EPHA6: variants seen among roughly 807,000 people sequenced by gnomAD.
The protein encoded by EPHA6 is ephrin type-A receptor 6.
A neutral mutation model predicts 112.0 loss-of-function variants in EPHA6; 50 were observed. The ratio of observed to expected loss-of-function variants is 0.45; its 90% CI spans 0.36 to 0.56. EPHA6 has a LOEUF of 0.56. Ranked by LOEUF, EPHA6 falls within the 20% of genes least tolerant of loss-of-function variation. The pLI is 0.00. For missense variants in EPHA6, 1,280 were observed against 1,417.4 expected, an observed-to-expected ratio of 0.90 and a Z score of 1.56; for synonymous variants, 529 against 490.7, an observed-to-expected ratio of 1.08 and a Z score of -1.03.
intron 10 of EPHA6, among the ~76,000 whole-genome samples, chr3:97,521,091 T>A (rs1389314339): frequency 6.6e-6 from 1 of 152,044 alleles, no homozygotes; most frequent in African/African-American, 2.4e-5. Flanking sequence ...AATTTCTTTT[T>A]CATATCCTGA....
chr3:97,700,693 C>T (rs371853107), intron 14 of EPHA6, among the ~76,000 whole-genome samples: 2 of 152,080 alleles, frequency 1.3e-5, no homozygotes, highest in African/African-American at 4.8e-5. Context: ...AAGAAATACA[C>T]CACACACACA....
At position 96,904,233 on chromosome 3, in the gene EPHA6, T is replaced by G. The variant is rs540681682; in HGVS notation, c.450+37344T>G. On this transcript the variant is annotated intron_variant, in intron 2 of 17. Transcript: ENST00000389672. ...AAATGTCCAACAATGATAGACTGGA[T>G]TAAGAAAATGTGGCACATATACACC... Among the ~76,000 whole-genome samples the G allele has an allele frequency of 9.3e-4, 141 of 151,800 alleles. 1 individual carries two copies. Among genetic ancestry groups the G allele is most frequent in the African/African-American group, 2.8e-3 (118 of 41,412 alleles).
chr3:97,252,046 G>A (rs555352932), intron 5 of EPHA6, among the ~76,000 whole-genome samples: 27 of 152,118 alleles, frequency 1.8e-4, no homozygotes, highest in Non-Finnish European at 3.7e-4. Context: ...ATAAGTGAAA[G>A]CATCAAAATA....
chr3:97,308,632 A>C (rs964963618), intron 5 of EPHA6, among the ~76,000 whole-genome samples: 4 of 151,790 alleles, frequency 2.6e-5, no homozygotes, highest in African/African-American at 9.7e-5. Flanking sequence ...ACACAGAAAA[A>C]TAAAATGAAT....
rs2046743713 is a variant in EPHA6 at position 97,082,219 on chromosome 3, C to A, written c.1114+94226C>A. On this transcript the variant is annotated intron_variant, in intron 3 of 17. Transcript: ENST00000389672. ...TTTGCAGTTATGATTTCACATTTTG[C>A]ACTTTATTTGCAATTTTCAAAAATG... 1.3e-5 allele frequency among the ~76,000 whole-genome samples: 2 copies of A among 151,724 alleles called. 1 individual carries two copies. Among genetic ancestry groups the A allele is most frequent in the South Asian group, 4.1e-4 (2 of 4,820 alleles).
intron 13 of EPHA6, among the ~76,000 whole-genome samples, chr3:97,616,979 A>G (rs574862136): frequency 6.6e-6 from 1 of 152,264 alleles, no homozygotes; most frequent in South Asian, 2.1e-4. Flanking sequence ...ACACATAATC[A>G]TCAGATTCTC....
At chr3:97,695,382 A>T (rs780344533) in intron 14 of EPHA6, among the ~76,000 whole-genome samples, 3 of 152,366 alleles carry the variant, frequency 2.0e-5, no homozygotes, top group Non-Finnish European at 4.4e-5. Flanking sequence ...TACTGTAGAC[A>T]GAGTGTACAG....
chr3:97,576,540 G>T (rs1349509915), intron 11 of EPHA6, among the ~76,000 whole-genome samples: 1 of 152,108 alleles, frequency 6.6e-6, no homozygotes, highest in African/African-American at 2.4e-5. Context: ...ATTATTTTTT[G>T]TCCTTAAGTT....
At chr3:97,127,231 G>T (rs547145282) in intron 3 of EPHA6, among the ~76,000 whole-genome samples, 17 of 152,260 alleles carry the variant, frequency 1.1e-4, no homozygotes, top group Non-Finnish European at 2.2e-4. Flanking sequence ...TGATCTAATG[G>T]TAATAAACTG....
At chr3:96,886,117 T>G (rs572430397) in intron 2 of EPHA6, among the ~76,000 whole-genome samples, 27 of 152,316 alleles carry the variant, frequency 1.8e-4, no homozygotes, top group African/African-American at 4.8e-4. Flanking sequence ...TGGAGAAAGT[T>G]CCATGTGCTG....
At chr3:97,138,364 A>T (rs2075814726) in intron 3 of EPHA6, among the ~76,000 whole-genome samples, 1 of 152,166 alleles carries the variant, frequency 6.6e-6, no homozygotes. Flanking sequence ...CAGGCTGAGG[A>T]GTGAGCAGGG....
rs550989681 is a variant in EPHA6, at chr3:97,656,810, T to A, written c.2784+18728T>A. 4.6e-5 allele frequency among the ~76,000 whole-genome samples: 7 copies of A among 152,074 alleles called. No individual in the cohort carries two copies. In the South Asian group the frequency reaches 1.4e-3, roughly 31 times the overall value. On this transcript the variant is annotated intron_variant, in intron 14 of 17. Transcript: ENST00000389672. ...TCTGAATGCATCTATGATCCATCAA[T>A]ATTTTCATATATTCATATCATTCCC...
At chr3:97,593,599 G>T (rs1301681201) in intron 12 of EPHA6, among the ~76,000 whole-genome samples, 1 of 152,124 alleles carries the variant, frequency 6.6e-6, no homozygotes, top group African/African-American at 2.4e-5. Context: ...GGCCCAGCCT[G>T]CAATGTAATG....
chr3:97,559,579 C>T (rs1399730166), intron 11 of EPHA6: 1 of 453,982 alleles, frequency 2.2e-6, no homozygotes, highest in Admixed American at 2.4e-5. Context: ...TCACTTCTTT[C>T]TCATATTTCA....
chr3:97,329,779 C>G (rs2082688055), intron 5 of EPHA6, among the ~76,000 whole-genome samples: 2 of 152,108 alleles, frequency 1.3e-5, no homozygotes, highest in African/African-American at 4.8e-5. Context: ...CCTGTTCACT[C>G]TGATGGTGGT....
At chr3:97,474,993 G>GT (rs1202537208) in intron 7 of EPHA6, among the ~76,000 whole-genome samples, 12 of 152,046 alleles carry the variant, frequency 7.9e-5, no homozygotes, top group African/African-American at 2.9e-4. Context: ...ATTGGCCAGT[G>GT]TTTAAGAGGA....
At chr3:97,493,846 T>C (rs534386952) in intron 10 of EPHA6, among the ~76,000 whole-genome samples, 1 of 152,306 alleles carries the variant, frequency 6.6e-6, no homozygotes, top group South Asian at 2.1e-4. Flanking sequence ...TATCTCGTGG[T>C]TACCACGTGT....
At position 97,718,333 on chromosome 3, in the gene EPHA6, A is replaced by G. The variant is rs145979804; in HGVS notation, c.2785-1928A>G. Among the ~76,000 whole-genome samples the G allele has an allele frequency of 2.2e-4, 33 of 152,352 alleles. No homozygotes were observed. In the East Asian group the frequency reaches 6.0e-3, roughly 28 times the overall value. Reference sequence around the variant, plus strand: ...TTTTTAGAACATGACTTTATGTCCAATTGGATCACTTGCAGTGTTCTCATT... The same window carrying G: ...TTTTTAGAACATGACTTTATGTCCAGTTGGATCACTTGCAGTGTTCTCATT... On this transcript the variant is annotated intron_variant, in intron 14 of 17. Coordinates refer to ENST00000389672, the MANE Select transcript of EPHA6 (RefSeq NM_001080448.3).
chr3:97,388,173 T>G (rs973229665), intron 5 of EPHA6, among the ~76,000 whole-genome samples: 2 of 152,184 alleles, frequency 1.3e-5, no homozygotes, highest in African/African-American at 4.8e-5. Flanking sequence ...CTTATCCATA[T>G]CATGAAATGG....
Sources: allele counts gnomAD v4.1 joint callset (sites outside exome capture counted in the v4.1 genomes callset), GRCh38; gene constraint gnomAD v4.1.1; transcripts MANE v1.5; gene names NCBI Gene and HGNC (gene_info 2026-07-23, HGNC 2026-07-21).